PCDHA11: variants seen among roughly 807,000 people sequenced by gnomAD.
The protein encoded by PCDHA11 is protocadherin alpha-11.
PCDHA11 carries 61 observed loss-of-function variants against 70.3 expected under a neutral mutation model. That is an observed-to-expected ratio of 0.87 (90% CI 0.71 to 1.07). The LOEUF is 1.07. PCDHA11 is among the 50% of genes least tolerant of loss of function. The pLI, the probability that PCDHA11 is intolerant of heterozygous loss-of-function variation, is 0.00. For synonymous variants in PCDHA11, 633 were observed against 555.1 expected, an observed-to-expected ratio of 1.14 and a Z score of -1.97; for missense variants, 1,324 against 1,237.5, an observed-to-expected ratio of 1.07 and a Z score of -1.05.
At chr5:140,985,227 G>A (rs557750656) in intron 3 of PCDHA11, among the ~76,000 whole-genome samples, 5 of 152,206 alleles carry the variant, frequency 3.3e-5, no homozygotes, top group Non-Finnish European at 2.9e-5. Flanking sequence ...GTGAGCCACC[G>A]CGCCTGGCCT....
At position 140,869,350 on chromosome 5, in the gene PCDHA11, A is replaced by G. The variant is rs1197202286; in HGVS notation, c.247A>G (p.Ile83Val). 3 of 1,614,064 alleles carry G rather than the reference A, an allele frequency of 1.9e-6. No homozygotes were observed. Among genetic ancestry groups the G allele is most frequent in the Non-Finnish European group, 1.7e-6 (2 of 1,180,040 alleles). The change falls in exon 1 of 4, where the codon ATT becomes GTT. Residue 83 changes from isoleucine (I) to valine (V), a missense_variant. By Grantham distance (29) the Ile-to-Val change is conservative. Transcript: ENST00000398640. ...TCTGGAGGTAAATCTGCAGAATGGCATTTTGTTTGTGAATTCTCGGATCGA... is the reference window on the plus strand; with the variant it reads ...TCTGGAGGTAAATCTGCAGAATGGCGTTTTGTTTGTGAATTCTCGGATCGA... ...DLLEVNLQNGILFVNSRIDRE... is the reference protein window; with the variant it reads ...DLLEVNLQNGVLFVNSRIDRE...
chr5:140,978,842 T>A, intron 1 of PCDHA11, 107 bp from the exon 2 acceptor site: 1 of 1,564,670 alleles, frequency 6.4e-7, no homozygotes, highest in East Asian at 2.3e-5. Flanking sequence ...TTCAATACTT[T>A]TTTAGATGCC....
At chr5:140,967,712 G>A in intron 1 of PCDHA11, 2 of 1,614,196 alleles carry the variant, frequency 1.2e-6, no homozygotes, top group Non-Finnish European at 1.7e-6. Flanking sequence ...CAGTACCGGG[G>A]AAGTGCGAGT....
chr5:140,895,021 G>T (rs956122734), intron 1 of PCDHA11, among the ~76,000 whole-genome samples: 3 of 151,838 alleles, frequency 2.0e-5, no homozygotes, highest in Non-Finnish European at 4.4e-5. Context: ...TTTTTCCTTT[G>T]TTTAATTGTC....
intron 1 of PCDHA11, among the ~76,000 whole-genome samples, chr5:140,921,258 G>C (rs537231615): frequency 6.6e-6 from 1 of 151,824 alleles, no homozygotes; most frequent in South Asian, 2.1e-4. Flanking sequence ...AAAAGTCCTA[G>C]ACTTTTATAC....
chr5:140,927,293 C>T (rs782386645), intron 1 of PCDHA11: 5 of 1,614,176 alleles, frequency 3.1e-6, no homozygotes, highest in Non-Finnish European at 3.4e-6. Flanking sequence ...CTGCACATCC[C>T]CGAGTTCCTG....
chr5:140,983,766 T>C (rs1554245666), intron 3 of PCDHA11, among the ~76,000 whole-genome samples: 2 of 152,206 alleles, frequency 1.3e-5, no homozygotes, highest in African/African-American at 4.8e-5. Flanking sequence ...TTCAAATACA[T>C]ATCTACATAC....
chr5:141,010,470 G>A lies in PCDHA11; in HGVS notation c.*533G>A. ...ACAGCGGAAGTTATCAGTATGGAGG[G>A]GAAGTGTAAACTTAAAGGGACCAGA... On this transcript the variant is annotated 3_prime_UTR_variant, in exon 4 of 4. Transcript: ENST00000398640. The A allele has an allele frequency of 2.6e-6, 2 of 780,290 alleles. No homozygotes were observed. The highest frequency in any genetic ancestry group is 3.0e-5 in the East Asian group (1 of 33,872). 48.3% of individuals were successfully genotyped at this position (780,290 alleles called of 1,614,324 possible).
At chr5:140,993,667 C>T (rs2097576739) in intron 3 of PCDHA11, among the ~76,000 whole-genome samples, 1 of 152,052 alleles carries the variant, frequency 6.6e-6, no homozygotes, top group African/African-American at 2.4e-5. Context: ...AACAATGGAC[C>T]ACATATGTGA....
At chr5:140,884,509 T>C (rs781917095) in intron 1 of PCDHA11, 3 of 1,612,704 alleles carry the variant, frequency 1.9e-6, no homozygotes, top group Non-Finnish European at 1.7e-6. Flanking sequence ...CGGCAGGGAG[T>C]TGGTCGTACT....
chr5:140,988,204 AG>A (rs2097287084), intron 3 of PCDHA11, among the ~76,000 whole-genome samples: 1 of 152,100 alleles, frequency 6.6e-6, no homozygotes, highest in South Asian at 2.1e-4. Context: ...TATCCTTATT[AG>A]GAAAAAAAAA....
intron 1 of PCDHA11, among the ~76,000 whole-genome samples, chr5:140,961,590 A>C (rs1554225489): frequency 2.0e-5 from 3 of 152,100 alleles, no homozygotes; most frequent in Non-Finnish European, 4.4e-5. Flanking sequence ...TATTTTGGCA[A>C]TGATTCTAGT....
intron 1 of PCDHA11, among the ~76,000 whole-genome samples, chr5:140,960,605 A>G (rs1405858302): frequency 6.6e-6 from 1 of 152,184 alleles, no homozygotes; most frequent in Non-Finnish European, 1.5e-5. Flanking sequence ...TACTTCAACA[A>G]TATCTAGTGT....
At chr5:140,884,556 G>T in intron 1 of PCDHA11, 1 of 1,614,154 alleles carries the variant, frequency 6.2e-7, no homozygotes, top group Non-Finnish European at 8.5e-7. Context: ...TCTGGGGAGG[G>T]CCCGCATAAG....
chr5:140,960,519 G>C (rs188949970), intron 1 of PCDHA11, among the ~76,000 whole-genome samples: 19 of 152,198 alleles, frequency 1.2e-4, no homozygotes, highest in Admixed American at 1.2e-3. Context: ...AACATAATGG[G>C]TATAGGAAAG....
Position 140,974,282 on chromosome 5 carries a change from T to C in PCDHA11, c.2392-4667T>C, listed in dbSNP as rs115449410. Among the ~76,000 whole-genome samples, 1,252 of 152,332 alleles carry C rather than the reference T, an allele frequency of 8.2e-3. 23 individuals carry two copies. The highest frequency in any genetic ancestry group is 0.028 in the African/African-American group (1,180 of 41,572). ...TTCTGGCCTTCCAGGGTCAGAACTC[T>C]GGGCTCCAAGGAGGTACAACTGTGA... On this transcript the variant is annotated intron_variant, in intron 1 of 3. Coordinates refer to ENST00000398640, the MANE Select transcript of PCDHA11 (RefSeq NM_018902.5).
intron 1 of PCDHA11, chr5:140,881,332 C>G (rs923599590): frequency 1.0e-6 from 1 of 984,540 alleles, no homozygotes; most frequent in East Asian, 1.1e-4. Context: ...TTAACCAGGA[C>G]GCCGATTCGG....
chr5:141,002,039 C>G (rs1198304632), intron 3 of PCDHA11, among the ~76,000 whole-genome samples: 1 of 152,216 alleles, frequency 6.6e-6, no homozygotes, highest in Non-Finnish European at 1.5e-5. Flanking sequence ...TGACTCTTTC[C>G]TGGGCATCCA....
intron 1 of PCDHA11, among the ~76,000 whole-genome samples, chr5:140,910,717 T>C (rs1349205242): frequency 1.3e-5 from 2 of 152,142 alleles, no homozygotes; most frequent in African/African-American, 4.8e-5. Flanking sequence ...CATCTTTTAA[T>C]CCATATTTCA....
Sources: allele counts gnomAD v4.1 joint callset (sites outside exome capture counted in the v4.1 genomes callset), GRCh38; gene constraint gnomAD v4.1.1; transcripts MANE v1.5; gene names NCBI Gene and HGNC (gene_info 2026-07-23, HGNC 2026-07-21).